The following SLC25A21 variants were observed in gnomAD, a reference collection of about 807,000 sequenced individuals.
SLC25A21 encodes mitochondrial 2-oxodicarboxylate carrier.
SLC25A21 carries 47 observed loss-of-function variants against 43.8 expected under a neutral mutation model. The ratio of observed to expected loss-of-function variants is 1.07; its 90% CI spans 0.85 to 1.37. The LOEUF is 1.37. Ranked by LOEUF, SLC25A21 falls within the 40% of genes most tolerant of loss-of-function variation. SLC25A21 has a pLI of 0.00. For missense variants in SLC25A21, 352 were observed against 350.2 expected (o/e 1.00, Z -0.04); for synonymous variants, 131 against 121.3 (o/e 1.08, Z -0.52).
intron 1 of SLC25A21, among the ~76,000 whole-genome samples, chr14:37,039,799 G>T (rs1961405537): frequency 6.6e-6 from 1 of 152,140 alleles, no homozygotes; most frequent in African/African-American, 2.4e-5. Flanking sequence ...CTTAATCTAT[G>T]CCATGAGGGA....
At chr14:36,965,220 T>C (rs925523731) in intron 1 of SLC25A21, among the ~76,000 whole-genome samples, 19 of 152,194 alleles carry the variant, frequency 1.2e-4, no homozygotes, top group Admixed American at 1.2e-3. Flanking sequence ...ACTTATGCTT[T>C]AAGCAAACAA....
chr14:36,787,543 T>C (rs1001218903), intron 3 of SLC25A21, among the ~76,000 whole-genome samples: 3 of 152,216 alleles, frequency 2.0e-5, no homozygotes, highest in South Asian at 4.1e-4. Flanking sequence ...GAAATTAACA[T>C]TAATTTAGAA....
intron 1 of SLC25A21, among the ~76,000 whole-genome samples, chr14:37,064,924 G>C (rs1962030011): frequency 6.6e-6 from 1 of 152,136 alleles, no homozygotes; most frequent in African/African-American, 2.4e-5. Flanking sequence ...ACACACATCT[G>C]TTAAGGGCCT....
chr14:37,051,150 ACT>A (rs1326679289), intron 1 of SLC25A21, among the ~76,000 whole-genome samples: 1 of 152,224 alleles, frequency 6.6e-6, no homozygotes, highest in African/African-American at 2.4e-5. Context: ...CCTATTGTTC[ACT>A]GTTTTATTCT....
At chr14:37,167,899 C>A (rs1316645316) in intron 1 of SLC25A21, among the ~76,000 whole-genome samples, 2 of 151,990 alleles carry the variant, frequency 1.3e-5, no homozygotes, top group Admixed American at 6.6e-5. Flanking sequence ...TGCACCGCTC[C>A]CCCCACCCCC....
At position 36,862,635 on chromosome 14, in the gene SLC25A21, G is replaced by C. The variant is rs1490988388; in HGVS notation, c.119+12321C>G. ...GGGCTGTGGGGCTAGGGGAGGAATA[G>C]CATTAGGAGAAATACCTAATGTAAA... On this transcript the variant is annotated intron_variant, in intron 2 of 9. Coordinates refer to ENST00000331299, the MANE Select transcript of SLC25A21 (RefSeq NM_030631.4). Among the ~76,000 whole-genome samples, 7 of 152,226 alleles carry C rather than the reference G, an allele frequency of 4.6e-5. No individual in the cohort carries two copies. The South Asian group carries it at 1.5e-3, about 32-fold the overall frequency.
intron 1 of SLC25A21, among the ~76,000 whole-genome samples, chr14:37,105,392 A>C (rs781739549): frequency 6.6e-6 from 1 of 152,134 alleles, no homozygotes; most frequent in African/African-American, 2.4e-5. Context: ...GTGCAGGCCA[A>C]GAGGGCTAAG....
intron 2 of SLC25A21, among the ~76,000 whole-genome samples, chr14:36,849,414 G>A (rs1304782416): frequency 1.3e-5 from 2 of 152,154 alleles, no homozygotes; most frequent in African/African-American, 4.8e-5. Context: ...AAAAAATCCT[G>A]ATGAAAAGGG....
chr14:37,074,635 C>T (rs1421497395), intron 1 of SLC25A21, among the ~76,000 whole-genome samples: 1 of 152,046 alleles, frequency 6.6e-6, no homozygotes, highest in African/African-American at 2.4e-5. Context: ...AGTTCGAGAC[C>T]AGCCTGGCCA....
chr14:37,099,073 G>A (rs1433441378), intron 1 of SLC25A21, among the ~76,000 whole-genome samples: 3 of 152,072 alleles, frequency 2.0e-5, no homozygotes, highest in Non-Finnish European at 4.4e-5. Context: ...AAAGTGCTGG[G>A]ATTACAGACA....
At chr14:36,825,879 A>C (rs1888813615) in intron 2 of SLC25A21, among the ~76,000 whole-genome samples, 1 of 152,198 alleles carries the variant, frequency 6.6e-6, no homozygotes. Context: ...TATCTAATGA[A>C]ACTCCCCTCA....
chr14:36,900,650 T>C (rs1402273652), intron 1 of SLC25A21, among the ~76,000 whole-genome samples: 2 of 152,184 alleles, frequency 1.3e-5, no homozygotes, highest in Non-Finnish European at 2.9e-5. Context: ...TTAGCAAACT[T>C]GGAAAGGAAA....
intron 3 of SLC25A21, 67 bp downstream of exon 3, chr14:36,813,851 C>A (rs1888358024): frequency 8.5e-7 from 1 of 1,172,494 alleles, no homozygotes; most frequent in Non-Finnish European, 1.2e-6. Flanking sequence ...GGAAAATAAA[C>A]CATTCGAAAT....
chr14:37,170,780 T>C (rs1964110549), intron 1 of SLC25A21, among the ~76,000 whole-genome samples: 1 of 151,088 alleles, frequency 6.6e-6, no homozygotes, highest in Non-Finnish European at 1.5e-5. Context: ...AAAAATCCCC[T>C]TCCCCCACCT....
chr14:36,717,551 C>T (rs370468356), intron 6 of SLC25A21, among the ~76,000 whole-genome samples: 9 of 152,318 alleles, frequency 5.9e-5, no homozygotes, highest in African/African-American at 1.9e-4. Flanking sequence ...GGTGATGAGA[C>T]GCTCATGCTG....
At chr14:37,112,196 T>C (rs1443223859) in intron 1 of SLC25A21, among the ~76,000 whole-genome samples, 1 of 152,226 alleles carries the variant, frequency 6.6e-6, no homozygotes, top group South Asian at 2.1e-4. Flanking sequence ...ATACATTCCA[T>C]AGAATAAAAC....
chr14:37,098,669 T>G (rs192029875), intron 1 of SLC25A21: 6 of 152,200 alleles, frequency 3.9e-5, no homozygotes, highest in Admixed American at 1.3e-4. Context: ...TGACGACTAT[T>G]ACCTAATTGA....
intron 1 of SLC25A21, among the ~76,000 whole-genome samples, chr14:37,066,018 C>T (rs1239764663): frequency 6.6e-6 from 1 of 152,032 alleles, no homozygotes; most frequent in Admixed American, 6.6e-5. Flanking sequence ...GCGGGATATT[C>T]GTATAATCTT....
chr14:37,049,590 A>G (rs1014543755), intron 1 of SLC25A21, among the ~76,000 whole-genome samples: 3 of 152,152 alleles, frequency 2.0e-5, no homozygotes, highest in African/African-American at 7.2e-5. Context: ...AAGGAATAAC[A>G]TATCATAGAA....
Sources: gnomAD v4.1 joint callset for allele counts (sites outside exome capture counted in the v4.1 genomes callset) on GRCh38, gnomAD v4.1.1 for gene constraint, MANE v1.5 for transcripts, NCBI Gene and HGNC (gene_info 2026-07-23, HGNC 2026-07-21) for gene names.